The following CNBD2 variants were observed in gnomAD, a reference collection of about 807,000 sequenced individuals.
CNBD2 encodes the protein cyclic nucleotide binding domain containing 2.
Under a neutral mutation model 63.7 loss-of-function variants are expected in CNBD2, and 64 were observed. The observed-to-expected ratio is 1.00, with a 90% CI of 0.82 to 1.24. CNBD2 has a LOEUF of 1.24. Among genes scored for constraint, CNBD2 ranks in the 50% most tolerant of loss-of-function variants. The probability of loss-of-function intolerance (pLI) is 0.00; values close to 1 mark genes in which losing one functional copy is unlikely to be tolerated. For missense variants in CNBD2, 691 were observed against 713.5 expected, an observed-to-expected ratio of 0.97 and a Z score of 0.36; for synonymous variants, 229 against 255.4, an observed-to-expected ratio of 0.90 and a Z score of 0.99.
rs781376580 is a variant in CNBD2, at chr20:35,983,993, G to T, written c.419G>T (p.Arg140Met). The change falls in exon 5 of 12, where the codon AGG (arginine) becomes ATG (methionine). Residue 140 changes from arginine (R) to methionine (M), a missense_variant. Arg to Met is a moderately conservative substitution (Grantham distance 91). Transcript: ENST00000373973. ...TGGTCTTTTCCCAGGTTTGGTCGCA[G>T]GCGTGTGATCATCAAGAAGGGGCAG... Reference protein sequence around the residue: ...KVMRFERFGRRRVIIKKGQKG... With the variant: ...KVMRFERFGRMRVIIKKGQKG... The T allele has an allele frequency of 6.8e-6, 11 of 1,614,182 alleles. No homozygotes were observed. The East Asian group carries it at 2.5e-4, about 36-fold the overall frequency.
chr20:35,984,272 C>A, intron 5 of CNBD2, 134 bp downstream of exon 5: 1 of 885,082 alleles, frequency 1.1e-6, no homozygotes, highest in Non-Finnish European at 1.7e-6. Context: ...GGGCCCCTTA[C>A]CTGTCAAATG....
chr20:36,019,165 A>G (rs1372352752), intron 10 of CNBD2, among the ~76,000 whole-genome samples: 1 of 152,120 alleles, frequency 6.6e-6, no homozygotes, highest in African/African-American at 2.4e-5. Context: ...AGGTTCTTAA[A>G]TGGGGTAGCT....
Position 35,968,712 on chromosome 20 carries a change from T to A in CNBD2, c.-51T>A, listed in dbSNP as rs778916914. 1 of 1,487,078 alleles carries A rather than the reference T, an allele frequency of 6.7e-7. No homozygotes were observed. Among genetic ancestry groups the A allele is most frequent in the Admixed American group, 1.9e-5 (1 of 51,566 alleles). The allele number at this position is 1,487,078 out of a possible 1,614,324, so 92.1% of individuals were successfully genotyped here. On this transcript the variant is annotated 5_prime_UTR_variant, in exon 1 of 12. Coordinates refer to ENST00000373973, the MANE Select transcript of CNBD2 (RefSeq NM_001365709.1). The stretch of plus-strand genomic sequence containing the variant: ...ATTTTTGGGGAAAAATTTGTAGTCC[T>A]CCCCTTGAAAGGCAAAGGGGCTAGT...
At position 35,971,097 on chromosome 20, in the gene CNBD2, G is replaced by A. The variant is rs534660404; in HGVS notation, c.52-1532G>A. The stretch of plus-strand genomic sequence containing the variant: ...CAAGTAGCTGGGACTACAGGCGCCC[G>A]CCACTACGCCCGGCTAATTTTTTGT... On this transcript the variant is annotated intron_variant, in intron 1 of 11. Transcript: ENST00000373973. Among the ~76,000 whole-genome samples the A allele has an allele frequency of 2.7e-5, 4 of 150,484 alleles. No individual in the cohort carries two copies. The East Asian group carries it at 6.0e-4, about 23-fold the overall frequency.
chr20:36,000,585 G>A (rs1270522278), intron 8 of CNBD2, among the ~76,000 whole-genome samples: 1 of 151,914 alleles, frequency 6.6e-6, no homozygotes, highest in East Asian at 1.9e-4. Flanking sequence ...CTGAGATGGA[G>A]TCTTGCTCTT....
Position 35,984,688 on chromosome 20 carries a change from A to C in CNBD2, c.626A>C (p.Glu209Ala). The change falls in exon 6 of 12, where the codon GAG becomes GCG. Residue 209 changes from glutamate to alanine, a missense_variant. Glu to Ala is a moderately radical substitution (Grantham distance 107, BLOSUM62 -1). Transcript: ENST00000373973. Reference protein sequence around the residue: ...RSTIVCMEETEFLVVDREDFF... With the variant: ...RSTIVCMEETAFLVVDREDFF... ...ACCATCGTCTGTATGGAAGAAACGGAGTTCCTGGTTGTTGACCGGGAGGAC... is the reference window on the plus strand; with the variant it reads ...ACCATCGTCTGTATGGAAGAAACGGCGTTCCTGGTTGTTGACCGGGAGGAC... The C allele has an allele frequency of 6.2e-7, 1 of 1,614,188 alleles. No homozygotes were observed. Among genetic ancestry groups the C allele is most frequent in the Non-Finnish European group, 8.5e-7 (1 of 1,180,014 alleles).
At chr20:36,015,527 A>C (rs747510568) in intron 10 of CNBD2, among the ~76,000 whole-genome samples, 12 of 152,196 alleles carry the variant, frequency 7.9e-5, no homozygotes, top group Non-Finnish European at 1.0e-4. Context: ...GAATGGTTGA[A>C]TCTAGGACTA....
At chr20:35,992,966 GAGA>G (rs1441646581) in intron 7 of CNBD2, among the ~76,000 whole-genome samples, 4 of 152,100 alleles carry the variant, frequency 2.6e-5, no homozygotes, top group Admixed American at 2.0e-4. Flanking sequence ...CAGAAAGCTA[GAGA>G]AGATTTCCTG....
upstream of CNBD2, among the ~76,000 whole-genome samples, chr20:35,968,373 C>CT (rs2056365438): frequency 9.3e-6 from 1 of 107,502 alleles, no homozygotes; most frequent in Non-Finnish European, 1.8e-5. Context: ...TTGTGCCATT[C>CT]TCCTGTCTCA....
intron 2 of CNBD2, among the ~76,000 whole-genome samples, chr20:35,962,091 G>C (rs1457493178): frequency 6.6e-6 from 1 of 152,046 alleles, no homozygotes; most frequent in East Asian, 1.9e-4. Flanking sequence ...TTAACCTTCT[G>C]GATCTTCTCA....
At chr20:36,004,148 C>T (rs987965501) in intron 8 of CNBD2, among the ~76,000 whole-genome samples, 6 of 152,180 alleles carry the variant, frequency 3.9e-5, no homozygotes, top group East Asian at 3.8e-4. Context: ...TCCTGTTAGA[C>T]GTGAGCCCAA....
At position 36,030,477 on chromosome 20, in the gene CNBD2, G is replaced by C. The variant is rs113950091; in HGVS notation, c.1560G>C (p.Lys520Asn). 12 of 1,614,008 alleles carry C rather than the reference G, an allele frequency of 7.4e-6. No homozygotes were observed. In the African/African-American group the frequency reaches 8.0e-5, roughly 11 times the overall value. Residue 520 changes from lysine to asparagine, a missense_variant, in exon 12 of 12, where the codon AAG (lysine) becomes AAC (asparagine). By Grantham distance (94) the Lys-to-Asn change is moderately conservative. Coordinates refer to ENST00000373973, the MANE Select transcript of CNBD2 (RefSeq NM_001365709.1). ...QSQLFTPNRP[K>N]KREIYNPKSV... is the part of the protein sequence containing the mutation. The stretch of plus-strand genomic sequence containing the variant: ...AACTGTTCACTCCAAACCGGCCCAA[G>C]AAGAGAGAGATCTACAACCCTAAGT...
chr20:36,018,657 G>T (rs1257696022), intron 10 of CNBD2, among the ~76,000 whole-genome samples: 1 of 152,104 alleles, frequency 6.6e-6, no homozygotes, highest in Admixed American at 6.6e-5. Context: ...AGCAGCAGAG[G>T]GTGGGGCCTA....
intron 2 of CNBD2, among the ~76,000 whole-genome samples, chr20:35,962,375 C>T (rs2056315675): frequency 6.6e-6 from 1 of 151,928 alleles, no homozygotes. Flanking sequence ...TCTCCTGCCT[C>T]AGCCTCCCGA....
chr20:35,984,249 C>A, intron 5 of CNBD2, 111 bp downstream of exon 5: 2 of 1,169,826 alleles, frequency 1.7e-6, no homozygotes, highest in Non-Finnish European at 1.2e-6. Context: ...CTGTACAAGT[C>A]AGTGTCCCGT....
intron 8 of CNBD2, among the ~76,000 whole-genome samples, chr20:36,001,312 G>A (rs1213010213): frequency 2.7e-5 from 4 of 150,318 alleles, no homozygotes; most frequent in Admixed American, 6.6e-5. Flanking sequence ...CAGTAGGGGC[G>A]GCCGGGCAGA....
At chr20:35,965,716 C>T (rs1295029508), upstream of CNBD2, among the ~76,000 whole-genome samples, 2 of 152,164 alleles carry the variant, frequency 1.3e-5, no homozygotes, top group African/African-American at 4.8e-5. Flanking sequence ...CAGCCCACCT[C>T]CTTGCAGATA....
intron 8 of CNBD2, among the ~76,000 whole-genome samples, chr20:36,000,746 G>A (rs2056885677): frequency 2.8e-5 from 4 of 143,424 alleles, no homozygotes. Flanking sequence ...TTTCATTTGT[G>A]TATGAAATTT....
At chr20:35,965,960 A>T (rs1431575677), upstream of CNBD2, among the ~76,000 whole-genome samples, 1 of 152,078 alleles carries the variant, frequency 6.6e-6, no homozygotes, top group Non-Finnish European at 1.5e-5. Context: ...GCATCATCTG[A>T]TGCCCCTTGT....
Sources: allele counts gnomAD v4.1 joint callset (sites outside exome capture counted in the v4.1 genomes callset), GRCh38; gene constraint gnomAD v4.1.1; transcripts MANE v1.5; gene names NCBI Gene and HGNC (gene_info 2026-07-23, HGNC 2026-07-21).